The following CALN1 variants were observed in gnomAD, a reference collection of about 807,000 sequenced individuals.
CALN1 encodes calcium-binding protein 8.
Under a neutral mutation model 30.6 loss-of-function variants are expected in CALN1, and 17 were observed. The observed-to-expected ratio is 0.56, with a 90% CI of 0.38 to 0.83. The LOEUF (loss-of-function observed/expected upper bound fraction) is 0.83, where lower values mean the gene tolerates loss of function less well. Ranked by LOEUF, CALN1 falls within the 40% of genes least tolerant of loss-of-function variation. The pLI is 0.00. For synonymous variants in CALN1, 156 were observed against 131.4 expected (o/e 1.19, Z -1.28); for missense variants, 291 against 354.9 (o/e 0.82, Z 1.45).
At chr7:72,286,348 A>G (rs1024072926) in intron 2 of CALN1, among the ~76,000 whole-genome samples, 2 of 152,210 alleles carry the variant, frequency 1.3e-5, no homozygotes, top group African/African-American at 4.8e-5. Context: ...CCAGTATGCA[A>G]GGTGGCTAGG....
At chr7:71,919,822 G>C (rs971589386) in intron 5 of CALN1, among the ~76,000 whole-genome samples, 1 of 152,178 alleles carries the variant, frequency 6.6e-6, no homozygotes, top group Non-Finnish European at 1.5e-5. Flanking sequence ...CCAGTGGTCC[G>C]CGAGGACCTA....
the CALN1 span, among the ~76,000 whole-genome samples, chr7:72,495,316 C>T: frequency 6.6e-6 from 1 of 152,186 alleles, no homozygotes; most frequent in African/African-American, 2.4e-5. Flanking sequence ...CTGGTCTGTC[C>T]TCAGATGGCA....
chr7:72,362,053 A>G (rs563487129), intron 2 of CALN1, among the ~76,000 whole-genome samples: 3 of 152,322 alleles, frequency 2.0e-5, no homozygotes, highest in Admixed American at 1.3e-4. Flanking sequence ...GGTAAATAGC[A>G]TATATTGTGT....
chr7:72,495,594 A>G, the CALN1 span, among the ~76,000 whole-genome samples: 2 of 152,190 alleles, frequency 1.3e-5, no homozygotes, highest in Non-Finnish European at 2.9e-5. Flanking sequence ...CCTGACCTCA[A>G]AGAAAACCCC....
At chr7:72,210,097 A>G (rs868045908) in intron 3 of CALN1, among the ~76,000 whole-genome samples, 2 of 151,994 alleles carry the variant, frequency 1.3e-5, no homozygotes, top group Non-Finnish European at 1.5e-5. Flanking sequence ...CTTTTGTCCT[A>G]TGAAGAAGGA....
At chr7:71,962,768 A>T (rs1797312534) in intron 5 of CALN1, among the ~76,000 whole-genome samples, 1 of 152,238 alleles carries the variant, frequency 6.6e-6, no homozygotes, top group Non-Finnish European at 1.5e-5. Context: ...ACAGTATGTC[A>T]CAGCAAATGT....
chr7:72,220,206 A>C (rs1168814021), intron 3 of CALN1, among the ~76,000 whole-genome samples: 2 of 94,340 alleles, frequency 2.1e-5, no homozygotes, highest in African/African-American at 4.3e-5. Flanking sequence ...CCCACCCCAC[A>C]ACAGTCCCTG....
At chr7:72,254,832 T>C (rs1795805623) in intron 3 of CALN1, among the ~76,000 whole-genome samples, 1 of 152,128 alleles carries the variant, frequency 6.6e-6, no homozygotes, top group Non-Finnish European at 1.5e-5. Context: ...AGTGGTGCCA[T>C]CTCGGCTCAC....
intron 5 of CALN1, among the ~76,000 whole-genome samples, chr7:71,941,514 A>T (rs558221456): frequency 3.2e-4 from 49 of 152,176 alleles, no homozygotes; most frequent in Non-Finnish European, 5.4e-4. Context: ...ATGAATAAGA[A>T]ATTCACAGAA....
At chr7:72,275,381 G>A (rs1034927553) in intron 3 of CALN1, among the ~76,000 whole-genome samples, 5 of 152,092 alleles carry the variant, frequency 3.3e-5, no homozygotes, top group African/African-American at 1.2e-4. Context: ...CCAATCCATA[G>A]TCATCTGAAT....
intron 3 of CALN1, among the ~76,000 whole-genome samples, chr7:72,186,097 T>C (rs71551251): frequency 0.25 from 38,132 of 151,922 alleles, 5,996 homozygotes; most frequent in East Asian, 0.68. Context: ...CAGTGATGCA[T>C]GGCCATGAAC....
At chr7:71,899,626 G>C (rs1364557943) in intron 5 of CALN1, among the ~76,000 whole-genome samples, 1 of 151,944 alleles carries the variant, frequency 6.6e-6, no homozygotes, top group Non-Finnish European at 1.5e-5. Context: ...TAAACATCTT[G>C]ATGATATTTA....
intron 5 of CALN1, among the ~76,000 whole-genome samples, chr7:71,828,670 GTAAGATATATACA>G (rs1161487101): frequency 2.7e-5 from 4 of 147,906 alleles, no homozygotes; most frequent in African/African-American, 5.0e-5. Flanking sequence ...ATATATATAT[GTAAGATATATACA>G]TAAGATATAT....
intron 3 of CALN1, among the ~76,000 whole-genome samples, chr7:72,173,721 G>C (rs1789139470): frequency 6.6e-6 from 1 of 152,098 alleles, no homozygotes; most frequent in Admixed American, 6.5e-5. Context: ...AATGATGCTA[G>C]AATGCCTAAA....
intron 2 of CALN1, among the ~76,000 whole-genome samples, chr7:72,312,162 G>C (rs1179884918): frequency 6.6e-6 from 1 of 152,132 alleles, no homozygotes; most frequent in African/African-American, 2.4e-5. Flanking sequence ...CCAGCACTTT[G>C]AGAGGCTGAG....
At chr7:72,352,409 C>CT (rs1405869607) in intron 2 of CALN1, among the ~76,000 whole-genome samples, 1 of 107,470 alleles carries the variant, frequency 9.3e-6, no homozygotes, top group Non-Finnish European at 1.9e-5. Context: ...AAAAAAAAAA[C>CT]TTTGAGATTT....
intron 4 of CALN1, among the ~76,000 whole-genome samples, chr7:72,036,323 CTT>C (rs1162009362): frequency 2.0e-5 from 3 of 152,258 alleles, no homozygotes; most frequent in African/African-American, 7.2e-5. Context: ...CTGTGGGTCT[CTT>C]TGAGTTCATC....
At chr7:72,192,623 C>CTTT (rs1366196165) in intron 3 of CALN1, among the ~76,000 whole-genome samples, 10 of 125,472 alleles carry the variant, frequency 8.0e-5, no homozygotes, top group African/African-American at 3.1e-4. Flanking sequence ...GATCCCATTT[C>CTTT]TTTTATTATT....
At chr7:71,928,992 AT>A in intron 5 of CALN1, among the ~76,000 whole-genome samples, 1 of 151,666 alleles carries the variant, frequency 6.6e-6, no homozygotes, top group East Asian at 1.9e-4. Flanking sequence ...GATTCAATGG[AT>A]TCACCGATTT....
Sources: gnomAD v4.1 joint callset for allele counts (sites outside exome capture counted in the v4.1 genomes callset) on GRCh38, gnomAD v4.1.1 for gene constraint, MANE v1.5 for transcripts, NCBI Gene and HGNC (gene_info 2026-07-23, HGNC 2026-07-21) for gene names.